PRODH2: variants seen among roughly 807,000 people sequenced by gnomAD.
PRODH2 encodes the protein proline dehydrogenase 2.
PRODH2 carries 49 observed loss-of-function variants against 51.9 expected under a neutral mutation model. That is an observed-to-expected ratio of 0.94 (90% CI 0.75 to 1.20). The LOEUF (loss-of-function observed/expected upper bound fraction) is 1.20, where lower values mean the gene tolerates loss of function less well. Ranked by LOEUF, PRODH2 falls within the 50% of genes most tolerant of loss-of-function variation. PRODH2 has a pLI of 0.00. For missense variants in PRODH2, 597 were observed against 610.9 expected, an observed-to-expected ratio of 0.98 and a Z score of 0.24; for synonymous variants, 249 against 260.7, an observed-to-expected ratio of 0.96 and a Z score of 0.43.
At chr19:35,807,144 G>A in intron 4 of PRODH2, 23 bp from the exon 5 acceptor site, 3 of 1,522,866 alleles carry the variant, frequency 2.0e-6, no homozygotes, top group South Asian at 1.2e-5. Flanking sequence ...AGGGGAAGTG[G>A]GGAAAAGCTT....
intron 7 of PRODH2, 117 bp from the exon 8 acceptor site, chr19:35,803,195 G>C (rs1288251711): frequency 1.8e-6 from 1 of 558,748 alleles, no homozygotes; most frequent in African/African-American, 1.9e-5. Flanking sequence ...TGTTCCATCT[G>C]CACCAGTTGT....
At chr19:35,812,070 G>A (rs1411762564) in intron 3 of PRODH2, 22 bp from the exon 4 acceptor site, 3 of 1,613,890 alleles carry the variant, frequency 1.9e-6, no homozygotes, top group Admixed American at 1.7e-5. Flanking sequence ...TGGTAGGCGG[G>A]GTGGTGAGGG....
chr19:35,812,809 G>C lies in PRODH2; in HGVS notation c.-4C>G, dbSNP rs1972639132. 1 of 1,582,804 alleles carries C rather than the reference G, an allele frequency of 6.3e-7. No homozygotes were observed. Among genetic ancestry groups the C allele is most frequent in the Non-Finnish European group, 8.6e-7 (1 of 1,160,482 alleles). Reference sequence around the variant, plus strand: ...GCACGTAACAGGTCCGGAGCATCCTGGGTCCCTGGCTGCCTCCACACCAGG... The same window carrying C: ...GCACGTAACAGGTCCGGAGCATCCTCGGTCCCTGGCTGCCTCCACACCAGG... On this transcript the variant is annotated 5_prime_UTR_variant, in exon 1 of 10. Coordinates refer to ENST00000653904, the MANE Select transcript of PRODH2 (RefSeq NM_021232.2).
chr19:35,801,792 G>A (rs916310247), intron 9 of PRODH2: 18 of 190,998 alleles, frequency 9.4e-5, no homozygotes, highest in East Asian at 2.5e-4. Flanking sequence ...CCACCTCTGC[G>A]AAGTTGGGGC....
At chr19:35,802,868 C>A in intron 8 of PRODH2, 100 bp downstream of exon 8, 1 of 832,090 alleles carries the variant, frequency 1.2e-6, no homozygotes, top group South Asian at 2.3e-5. Context: ...TTAAAATTCT[C>A]CCCAGAACAC....
intron 8 of PRODH2, 81 bp downstream of exon 8, chr19:35,802,887 A>G (rs1174327329): frequency 1.6e-5 from 16 of 1,013,148 alleles, no homozygotes; most frequent in Admixed American, 1.0e-4. Flanking sequence ...ACCTCTGTCC[A>G]TCTCTGGCAT....
At chr19:35,808,389 C>T (rs1249873846) in intron 4 of PRODH2, among the ~76,000 whole-genome samples, 1 of 152,146 alleles carries the variant, frequency 6.6e-6, no homozygotes, top group African/African-American at 2.4e-5. Context: ...TAGGCCTGGG[C>T]TTGCTCATGG....
At position 35,802,971 on chromosome 19, in the gene PRODH2, T is replaced by C; in HGVS notation, c.1109A>G (p.Lys370Arg). Reference sequence around the variant, plus strand: ...CGCCCATCCCTCCACCTCATACCGCTTGGTTGCCTGGCGAACAGATTCCTC... The same window carrying C: ...CGCCCATCCCTCCACCTCATACCGCCTGGTTGCCTGGCGAACAGATTCCTC... ...HNEESVRQAT[K>R]RMWELGIPLD... The change falls in exon 8 of 10, where the codon AAG becomes AGG. Residue 370 changes from lysine (K) to arginine (R), a missense_variant. Transcript: ENST00000653904. 1.3e-6 allele frequency: 2 copies of C among 1,552,718 alleles called. No homozygotes were observed. Among genetic ancestry groups the C allele is most frequent in the South Asian group, 1.2e-5 (1 of 84,176 alleles).
At chr19:35,811,407 G>T (rs1262356254) in intron 4 of PRODH2, among the ~76,000 whole-genome samples, 1 of 132,618 alleles carries the variant, frequency 7.5e-6, no homozygotes, top group Non-Finnish European at 1.6e-5. Flanking sequence ...AGAGAGAGAG[G>T]AGGGAGGAGA....
intron 9 of PRODH2, 92 bp from the exon 10 acceptor site, chr19:35,800,314 A>G (rs917334397): frequency 3.1e-5 from 37 of 1,177,572 alleles, no homozygotes; most frequent in Middle Eastern, 2.9e-4. Flanking sequence ...CAGTGGTGCA[A>G]TCTCAGCTCA....
intron 4 of PRODH2, 113 bp from the exon 5 acceptor site, chr19:35,807,234 C>T: frequency 9.7e-7 from 1 of 1,032,966 alleles, no homozygotes; most frequent in Non-Finnish European, 1.4e-6. Flanking sequence ...AGAATCAGGG[C>T]TCGAATCCAG....
In PRODH2 at chr19:35,812,703, C is replaced by A. The variant is rs751794372; in HGVS notation, c.103G>T (p.Gly35Ter). 6.2e-7 allele frequency: 1 copy of A among 1,611,382 alleles called. No homozygotes were observed. The highest frequency in any genetic ancestry group is 1.1e-5 in the South Asian group (1 of 90,752). The part of the protein sequence containing the change: ...DGGAFHLKGT[G>*]ELTRALLVLR... ...ACCAGCAAGGCCCGTGTCAGCTCTC[C>A]TGTGCCCTTAAGGTGGAAGGCCCCG... The change falls in exon 1 of 10, where the codon GGA becomes TGA. Residue 35 changes from glycine to a stop codon, truncating the protein, a stop_gained. Transcript: ENST00000653904. LOFTEE classifies it high-confidence loss of function.
At chr19:35,802,516 T>A in intron 8 of PRODH2, 2 of 579,608 alleles carry the variant, frequency 3.5e-6, no homozygotes, top group Non-Finnish European at 6.2e-6. Flanking sequence ...CTTGTCCATC[T>A]GGGACCTATA....
At chr19:35,802,644 C>T (rs1041964001) in intron 8 of PRODH2, among the ~76,000 whole-genome samples, 4 of 152,064 alleles carry the variant, frequency 2.6e-5, no homozygotes, top group Non-Finnish European at 5.9e-5. Context: ...TCACTGCAGT[C>T]TCAACCTCTT....
chr19:35,802,504 G>A (rs1197799664), intron 8 of PRODH2: 12 of 589,142 alleles, frequency 2.0e-5, no homozygotes, highest in Non-Finnish European at 2.7e-5. Context: ...AAGGGGCAAC[G>A]TCTTGTCCAT....
At chr19:35,810,624 G>A (rs749937678) in intron 4 of PRODH2, among the ~76,000 whole-genome samples, 6 of 151,952 alleles carry the variant, frequency 3.9e-5, no homozygotes, top group Non-Finnish European at 5.9e-5. Flanking sequence ...CGGTTCAAGC[G>A]ATTCTCCTGC....
chr19:35,809,971 A>AC (rs1972579248), intron 4 of PRODH2, among the ~76,000 whole-genome samples: 1 of 138,606 alleles, frequency 7.2e-6, no homozygotes, highest in South Asian at 2.3e-4. Context: ...AAAAAAAAAA[A>AC]AAAAAAAAAA....
rs1218009581 is a variant in PRODH2, at chr19:35,812,432, A to C, written c.299T>G (p.Leu100Arg). 6.2e-7 allele frequency: 1 copy of C among 1,614,242 alleles called. No individual in the cohort carries two copies. Among genetic ancestry groups the C allele is most frequent in the South Asian group, 1.1e-5 (1 of 91,088 alleles). Residue 100 changes from leucine to arginine, a missense_variant, in exon 2 of 10, where the codon CTG becomes CGG. Physicochemically the swap from Leu to Arg is moderately radical, Grantham distance 102. Transcript: ENST00000653904. ...AEEVKGCVQQ[L>R]RTLSLRPLLA... is the part of the protein sequence containing the mutation. ...CAGTGGTCGGAGGCTGAGGGTCCGC[A>C]GCTGCTGCACGCAGCCCTTCACCTC...
intron 8 of PRODH2, 143 bp downstream of exon 8, chr19:35,802,825 G>A (rs1599817738): frequency 1.7e-6 from 1 of 578,330 alleles, no homozygotes; most frequent in East Asian, 3.0e-5. Flanking sequence ...GGGATTATAG[G>A]CATGTGCCAA....
Sources: allele counts gnomAD v4.1 joint callset (sites outside exome capture counted in the v4.1 genomes callset), GRCh38; gene constraint gnomAD v4.1.1; transcripts MANE v1.5; gene names NCBI Gene and HGNC (gene_info 2026-07-23, HGNC 2026-07-21).